COL3A1: variants seen among roughly 807,000 people sequenced by gnomAD.
COL3A1 encodes collagen type III alpha 1 chain.
COL3A1 carries 46 observed loss-of-function variants against 200.9 expected under a neutral mutation model. The observed-to-expected ratio is 0.23, with a 90% CI of 0.18 to 0.29. The LOEUF (loss-of-function observed/expected upper bound fraction) is 0.29. Among genes scored for constraint, COL3A1 ranks in the 10% least tolerant of loss-of-function variants. The probability of loss-of-function intolerance (pLI) is 1.00; values close to 1 mark genes in which losing one functional copy is unlikely to be tolerated. For synonymous variants in COL3A1, 650 were observed against 628.0 expected, an observed-to-expected ratio of 1.03 and a Z score of -0.52; for missense variants, 1,367 against 1,917.6, an observed-to-expected ratio of 0.71 and a Z score of 5.36.
Position 188,994,909 on chromosome 2 carries a change from C to A in COL3A1, c.1455+78C>A, listed in dbSNP as rs567470878. ...TAAAACTACCTTCAGGGTGAGACAG[C>A]CAATTTTTCTTAAGTTGAGTGTTCA... On this transcript the variant is annotated intron_variant, in intron 20 of 50. Transcript: ENST00000304636. The surrounding 1 kb of genome is among the most constrained non-coding windows in gnomAD (Gnocchi z 4.5). The A allele has an allele frequency of 5.7e-6, 9 of 1,566,764 alleles. No individual in the cohort carries two copies. The African/African-American group carries it at 1.1e-4, about 19-fold the overall frequency.
chr2:189,009,920 A>G (rs1688683045), intron 48 of COL3A1, among the ~76,000 whole-genome samples: 1 of 152,216 alleles, frequency 6.6e-6, no homozygotes, highest in Admixed American at 6.5e-5. Context: ...CAAATATTAT[A>G]CAGCAATCAA....
In COL3A1 at chr2:189,006,332, A is replaced by C. The variant is rs1688585302; in HGVS notation, c.3094-13A>C. ...TCATCATGTTTATTTTGTACCTATGAATTTGTTCACAGGGTGATCGTGGTG... is the reference window on the plus strand; with the variant it reads ...TCATCATGTTTATTTTGTACCTATGCATTTGTTCACAGGGTGATCGTGGTG... On this transcript the variant is annotated splice_polypyrimidine_tract_variant and intron_variant, in intron 42 of 50. Transcript: ENST00000304636. 2 of 1,613,994 alleles carry C rather than the reference A, an allele frequency of 1.2e-6. No individual in the cohort carries two copies. The highest frequency in any genetic ancestry group is 1.7e-5 in the Admixed American group (1 of 59,984).
chr2:188,998,612 T>C, intron 28 of COL3A1, 62 bp from the exon 29 acceptor site: 1 of 1,484,484 alleles, frequency 6.7e-7, no homozygotes, highest in Admixed American at 1.7e-5. Context: ...TTTACATATT[T>C]GCTTATATTT....
chr2:188,993,256 A>C, intron 15 of COL3A1, 105 bp from the exon 16 acceptor site: 30 of 943,746 alleles, frequency 3.2e-5, no homozygotes, highest in Non-Finnish European at 4.7e-5. Flanking sequence ...ATAGAGTCCC[A>C]CTACTCCAAC....
Position 189,007,950 on chromosome 2 carries a change from A to G in COL3A1, c.3417+12A>G. 1 of 1,614,156 alleles carries G rather than the reference A, an allele frequency of 6.2e-7. No homozygotes were observed. The highest frequency in any genetic ancestry group is 8.5e-7 in the Non-Finnish European group (1 of 1,180,014). ...CTGCAGGCCCCAGAGTAAGTAGCAC[A>G]GAAAGATATTACAGGTCCACATGTT... On this transcript the variant is annotated intron_variant, in intron 46 of 50. Transcript: ENST00000304636.
rs1214055165 is a variant in COL3A1, at chr2:189,002,993, G to T, written c.2484G>T (p.Gly828=). Residue 828 remains glycine, a synonymous_variant, in exon 36 of 51, where the codon GGG becomes GGT. Coordinates refer to ENST00000304636, the MANE Select transcript of COL3A1 (RefSeq NM_000090.4). ...NGEPGGKGER[G]APGEKGEGGP... is the part of the protein sequence containing the mutation. ...AACCTGGTGGTAAAGGAGAAAGAGGGGCTCCGGGTGAGAAAGGTGAAGGAG... is the reference window on the plus strand; with the variant it reads ...AACCTGGTGGTAAAGGAGAAAGAGGTGCTCCGGGTGAGAAAGGTGAAGGAG... The T allele has an allele frequency of 4.5e-6, 7 of 1,551,792 alleles. No individual in the cohort carries two copies. The highest frequency in any genetic ancestry group is 6.1e-6 in the Non-Finnish European group (7 of 1,147,048).
In COL3A1 at chr2:188,999,315, C is replaced by A; in HGVS notation, c.2053C>A (p.Pro685Thr). Residue 685 changes from proline to threonine, a missense_variant, in exon 30 of 51, where the codon CCT becomes ACT. Transcript: ENST00000304636. ...GDAGAPGERG[P>T]PGLAGAPGLR... The stretch of plus-strand genomic sequence containing the variant: ...TGCTGGTGCCCCTGGTGAACGTGGA[C>A]CTCCTGGATTGGCAGGGGCCCCAGG... The A allele has an allele frequency of 6.3e-7, 1 of 1,588,046 alleles. No homozygotes were observed. The highest frequency in any genetic ancestry group is 8.6e-7 in the Non-Finnish European group (1 of 1,166,268).
At chr2:188,987,886 G>A (rs1227776630) in intron 5 of COL3A1, among the ~76,000 whole-genome samples, 195 bp from the exon 6 acceptor site, 2 of 151,970 alleles carry the variant, frequency 1.3e-5, no homozygotes, top group Non-Finnish European at 2.9e-5. Context: ...TATAGAATCT[G>A]TGAGAATTTC....
At chr2:188,997,590 TTTC>T in intron 26 of COL3A1, 107 bp from the exon 27 acceptor site, 2 of 1,257,040 alleles carry the variant, frequency 1.6e-6, no homozygotes, top group Non-Finnish European at 2.3e-6. Flanking sequence ...GGTCCTCCCT[TTTC>T]TTCACATCAC....
chr2:188,986,278 C>T (rs542380741), intron 4 of COL3A1, among the ~76,000 whole-genome samples: 1 of 152,130 alleles, frequency 6.6e-6, no homozygotes, highest in Non-Finnish European at 1.5e-5. Flanking sequence ...TGAAGCATGG[C>T]AGCCAAATAA....
intron 22 of COL3A1, 88 bp downstream of exon 22, chr2:188,995,878 C>A: frequency 8.5e-7 from 1 of 1,178,612 alleles, no homozygotes; most frequent in South Asian, 1.3e-5. Flanking sequence ...CAACTTAAAT[C>A]AATCAGATTA....
chr2:189,003,601 A>G, intron 37 of COL3A1, 133 bp from the exon 38 acceptor site: 1 of 1,338,800 alleles, frequency 7.5e-7, no homozygotes, highest in Non-Finnish European at 1.1e-6. Flanking sequence ...GTTATATGTA[A>G]ATTCCAAGGG....
In COL3A1 at chr2:188,995,119, A is replaced by G. The variant is rs1382705504; in HGVS notation, c.1509+20A>G. The G allele has an allele frequency of 1.9e-6, 3 of 1,611,558 alleles. No homozygotes were observed. Among genetic ancestry groups the G allele is most frequent in the Non-Finnish European group, 8.5e-7 (1 of 1,177,810 alleles). On this transcript the variant is annotated intron_variant, in intron 21 of 50. Coordinates refer to ENST00000304636, the MANE Select transcript of COL3A1 (RefSeq NM_000090.4). ...GAAAAGGTAGATAACTTTAGTTTCT[A>G]TGTTCCTAAATGCTAGCACCACAAA... is the stretch of plus-strand genomic sequence containing the variant.
At chr2:188,995,654 G>C (rs551419958) in intron 21 of COL3A1, 38 bp from the exon 22 acceptor site, 22 of 1,399,280 alleles carry the variant, frequency 1.6e-5, no homozygotes, top group South Asian at 2.5e-5. Flanking sequence ...GTTAGTGAAG[G>C]CTATTTTAAT....
chr2:189,006,902 G>A (rs1339408910), intron 43 of COL3A1, 35 bp from the exon 44 acceptor site: 9 of 1,609,444 alleles, frequency 5.6e-6, no homozygotes, highest in South Asian at 2.2e-5. Flanking sequence ...AACTAGTTCC[G>A]TGTATGTCTT....
Position 189,010,248 on chromosome 2 carries a change from TG to T in COL3A1, c.3898del (p.Glu1300LysfsTer4). The T allele has an allele frequency of 6.2e-7, 1 of 1,614,190 alleles. No individual in the cohort carries two copies. The highest frequency in any genetic ancestry group is 8.5e-7 in the Non-Finnish European group (1 of 1,180,012). On this transcript the variant is annotated frameshift_variant, in exon 49 of 51. Coordinates refer to ENST00000304636, the MANE Select transcript of COL3A1 (RefSeq NM_000090.4). LOFTEE classifies it high-confidence loss of function. The part of the protein sequence containing the change: ...AIKVFCNMET[G>X]ETCISANPLN... ...TCAAGGTATTCTGTAATATGGAAAC[TG>T]GGGAAACATGCATAAGTGCCAATCC...
At chr2:188,984,070 T>C (rs1363550471) in intron 1 of COL3A1, among the ~76,000 whole-genome samples, 1 of 152,056 alleles carries the variant, frequency 6.6e-6, no homozygotes, top group African/African-American at 2.4e-5. Flanking sequence ...TTATTTTTAC[T>C]TATTCCTTGC....
At position 189,002,307 on chromosome 2, in the gene COL3A1, G is replaced by A; in HGVS notation, c.2401G>A (p.Gly801Ser). The A allele has an allele frequency of 6.2e-7, 1 of 1,613,920 alleles. No homozygotes were observed. Among genetic ancestry groups the A allele is most frequent in the Non-Finnish European group, 8.5e-7 (1 of 1,179,820 alleles). ...ATATTTTTCTCTTCAGGGTGAGAGA[G>A]GTGAAACTGGCCCTCCAGGACCTGC... ...AGPRGSPGER[G>S]ETGPPGPAGF... The change falls in exon 35 of 51, where the codon GGT becomes AGT. Residue 801 changes from glycine to serine, a missense_variant. Around this residue, in one of 5 missense-constraint regions of COL3A1, gnomAD observed 846 missense variants for 1,147.9 expected, o/e 0.74. Coordinates refer to ENST00000304636, the MANE Select transcript of COL3A1 (RefSeq NM_000090.4).
chr2:188,984,988 C>T (rs1688034521), intron 2 of COL3A1, 26 bp downstream of exon 2: 3 of 1,599,058 alleles, frequency 1.9e-6, no homozygotes, highest in South Asian at 1.1e-5. Context: ...AACTGTACAT[C>T]TTCAATATTC....
Sources: gnomAD v4.1 joint callset for allele counts (sites outside exome capture counted in the v4.1 genomes callset) on GRCh38, gnomAD v4.1.1 for gene constraint, gnomAD v4.1.1 regional missense constraint, Gnocchi (gnomAD v3.1) non-coding constraint, MANE v1.5 for transcripts, NCBI Gene and HGNC (gene_info 2026-07-23, HGNC 2026-07-21) for gene names.